COL4A3: variants seen among roughly 807,000 people sequenced by gnomAD.
COL4A3 encodes collagen type IV alpha 3 chain, also known as collagen alpha-3(IV) chain.
In COL4A3, 135 loss-of-function variants were observed where a neutral mutation model predicts 217.4. The observed-to-expected ratio is 0.62, with a 90% CI of 0.54 to 0.72. COL4A3 has a LOEUF of 0.72. Ranked by LOEUF, COL4A3 falls within the 30% of genes least tolerant of loss-of-function variation. The probability of loss-of-function intolerance (pLI) is 0.00; values close to 1 mark genes in which losing one functional copy is unlikely to be tolerated. For synonymous variants in COL4A3, 690 were observed against 736.3 expected, an observed-to-expected ratio of 0.94 and a Z score of 1.02; for missense variants, 1,868 against 2,119.9, an observed-to-expected ratio of 0.88 and a Z score of 2.33.
chr2:227,304,888 T>A, intron 46 of COL4A3, 97 bp from the exon 47 acceptor site: 1 of 1,000,048 alleles, frequency 1.0e-6, no homozygotes. Flanking sequence ...GGACTTTCAT[T>A]CCTGAAACTG....
intron 18 of COL4A3, chr2:227,259,366 A>G (rs543546690): frequency 1.9e-5 from 3 of 158,524 alleles, no homozygotes; most frequent in African/African-American, 7.2e-5. Context: ...AGTTCAGTCC[A>G]CCAGGACCAG....
At chr2:227,185,047 G>T (rs1462093775) in intron 1 of COL4A3, among the ~76,000 whole-genome samples, 1 of 151,788 alleles carries the variant, frequency 6.6e-6, no homozygotes, top group African/African-American at 2.4e-5. Context: ...GACTACAGGC[G>T]CCCGCCACAC....
rs547307244 is a variant in COL4A3, at chr2:227,246,906, T to G, written c.441+168T>G. On this transcript the variant is annotated intron_variant, in intron 7 of 51. Transcript: ENST00000396578. ...AATGGATGAATACATGCATTATGAG[T>G]GTAGGATTAGAGGTTGAGGCTTTGT... is the stretch of plus-strand genomic sequence containing the variant. 15 of 739,514 alleles carry G rather than the reference T, an allele frequency of 2.0e-5. 2 individuals are homozygous for G. In the South Asian group the frequency reaches 2.2e-4, roughly 11 times the overall value. 45.8% of individuals were successfully genotyped at this position (739,514 alleles called of 1,614,324 possible).
At chr2:227,229,239 TG>T (rs150302210) in intron 1 of COL4A3, among the ~76,000 whole-genome samples, 2,560 of 152,260 alleles carry the variant, frequency 0.017, 74 homozygotes, top group African/African-American at 0.057. Context: ...TTGCTGCCTT[TG>T]TGTAATATAT....
chr2:227,264,098 T>C (rs2070751687), intron 21 of COL4A3, among the ~76,000 whole-genome samples, 154 bp downstream of exon 21: 1 of 152,158 alleles, frequency 6.6e-6, no homozygotes, highest in Non-Finnish European at 1.5e-5. Flanking sequence ...TAACTGTCTG[T>C]GAAAGAAACT....
At chr2:227,240,473 G>C (rs1049590088) in intron 3 of COL4A3, among the ~76,000 whole-genome samples, 1 of 152,130 alleles carries the variant, frequency 6.6e-6, no homozygotes, top group East Asian at 1.9e-4. Flanking sequence ...CTAACCTACA[G>C]TGTCTACATC....
At chr2:227,252,212 CTTTTT>C (rs72162625) in intron 11 of COL4A3, among the ~76,000 whole-genome samples, 1 of 82,848 alleles carries the variant, frequency 1.2e-5, no homozygotes, top group Non-Finnish European at 2.5e-5. Flanking sequence ...TTCTTTCTTT[CTTTTT>C]TTTTTTTTTT....
chr2:227,265,864 A>G (rs978718665), intron 21 of COL4A3: 10 of 158,076 alleles, frequency 6.3e-5, no homozygotes, highest in African/African-American at 2.2e-4. Flanking sequence ...GGGAGTCCTC[A>G]GTAAACTTAC....
At chr2:227,187,387 G>A (rs1262026411) in intron 1 of COL4A3, among the ~76,000 whole-genome samples, 1 of 152,160 alleles carries the variant, frequency 6.6e-6, no homozygotes, top group Non-Finnish European at 1.5e-5. Flanking sequence ...AATTGACTTT[G>A]ATGGTGTGAT....
Position 227,250,977 on chromosome 2 carries a change from G to C in COL4A3, c.547-163G>C, listed in dbSNP as rs921253671. On this transcript the variant is annotated intron_variant, in intron 9 of 51. Coordinates refer to ENST00000396578, the MANE Select transcript of COL4A3 (RefSeq NM_000091.5). The surrounding 1 kb of genome is among the most constrained non-coding windows in gnomAD (Gnocchi z 4.1). ...TGGTCCTGCCAGCCTGTTACACATG[G>C]CAACACTTTTTGATGTTTGTTATCA... is the stretch of plus-strand genomic sequence containing the variant. Among the ~76,000 whole-genome samples, 1 of 152,228 alleles carries C rather than the reference G, an allele frequency of 6.6e-6. No homozygotes were observed. Among genetic ancestry groups the C allele is most frequent in the Non-Finnish European group, 1.5e-5 (1 of 68,038 alleles).
At chr2:227,249,528 G>A (rs113420818) in intron 9 of COL4A3, among the ~76,000 whole-genome samples, 2,981 of 151,762 alleles carry the variant, frequency 0.02, 93 homozygotes, top group African/African-American at 0.068. Context: ...AAGCCAACAC[G>A]CCCAGCCAAT....
intron 18 of COL4A3, 112 bp from the exon 19 acceptor site, chr2:227,259,681 G>C: frequency 1.3e-6 from 1 of 791,636 alleles, no homozygotes; most frequent in Non-Finnish European, 2.2e-6. Flanking sequence ...ATGAATTCAG[G>C]AAAATAAGGA....
At position 227,310,930 on chromosome 2, in the gene COL4A3, A is replaced by G; in HGVS notation, c.4910A>G (p.Asn1637Ser). The part of the protein sequence containing the change: ...NSYSFWLASL[N>S]PERMFRKPIP... ...TACAGTTTCTGGCTGGCTTCATTAA[A>G]CCCAGAAAGAATGTTCAGGTAACTA... Residue 1637 changes from asparagine to serine, a missense_variant, in exon 51 of 52, where the codon AAC (asparagine) becomes AGC (serine). Asn to Ser is a conservative substitution (Grantham distance 46). Coordinates refer to ENST00000396578, the MANE Select transcript of COL4A3 (RefSeq NM_000091.5). The G allele has an allele frequency of 6.2e-7, 1 of 1,613,724 alleles. No individual in the cohort carries two copies.
At chr2:227,303,813 C>A in intron 44 of COL4A3, 46 bp from the exon 45 acceptor site, 1 of 1,568,560 alleles carries the variant, frequency 6.4e-7, no homozygotes, top group Non-Finnish European at 8.8e-7. Flanking sequence ...AACTAGGAAA[C>A]CCATTGATCT....
chr2:227,278,236 C>T (rs1187756399), intron 28 of COL4A3, among the ~76,000 whole-genome samples: 1 of 151,844 alleles, frequency 6.6e-6, no homozygotes, highest in Non-Finnish European at 1.5e-5. Flanking sequence ...ATGCTGTTTC[C>T]CCTCAAAGAG....
intron 28 of COL4A3, among the ~76,000 whole-genome samples, chr2:227,278,315 C>T (rs1432343613): frequency 6.6e-6 from 1 of 152,036 alleles, no homozygotes; most frequent in African/African-American, 2.4e-5. Context: ...CTGACAAGTA[C>T]ATGAAAGTCC....
chr2:227,289,934 T>G, intron 35 of COL4A3, 65 bp from the exon 36 acceptor site: 3 of 1,495,282 alleles, frequency 2.0e-6, no homozygotes, highest in Non-Finnish European at 2.8e-6. Context: ...AAGCAACAAG[T>G]ATTTATTAAA....
intron 40 of COL4A3, 67 bp downstream of exon 40, chr2:227,295,129 A>C: frequency 6.5e-7 from 1 of 1,531,858 alleles, no homozygotes; most frequent in African/African-American, 1.4e-5. Context: ...TAACAGTGTA[A>C]TCCTTTGCTG....
chr2:227,307,327 C>A (rs1375369663), intron 47 of COL4A3, among the ~76,000 whole-genome samples: 1 of 152,160 alleles, frequency 6.6e-6, no homozygotes, highest in Non-Finnish European at 1.5e-5. Flanking sequence ...TTGTTATCTA[C>A]TCGAATAGAC....
Sources: allele counts gnomAD v4.1 joint callset (sites outside exome capture counted in the v4.1 genomes callset), GRCh38; gene constraint gnomAD v4.1.1; non-coding constraint Gnocchi (gnomAD v3.1); transcripts MANE v1.5; gene names NCBI Gene and HGNC (gene_info 2026-07-23, HGNC 2026-07-21).